Variants in LOC122539214 observed in about 807,000 individuals in gnomAD.
chr19:52,675,152 G>C, the LOC122539214 span, among the ~76,000 whole-genome samples: 1 of 152,150 alleles, frequency 6.6e-6, no homozygotes, highest in African/African-American at 2.4e-5. Context: ...TAAAGCTTGC[G>C]TTACTTGAAG....
chr19:52,671,691 C>T, the LOC122539214 span, among the ~76,000 whole-genome samples: 1 of 152,158 alleles, frequency 6.6e-6, no homozygotes, highest in African/African-American at 2.4e-5. Context: ...GATCAACCCA[C>T]CTTTGCTTCC....
the LOC122539214 span, chr19:52,651,578 G>C: frequency 6.6e-6 from 1 of 152,324 alleles, no homozygotes; most frequent in Non-Finnish European, 1.5e-5. Context: ...AGCTACTTGG[G>C]AGGCTTAGAA....
At chr19:52,683,415 A>G in the LOC122539214 span, among the ~76,000 whole-genome samples, 1 of 151,926 alleles carries the variant, frequency 6.6e-6, no homozygotes, top group Non-Finnish European at 1.5e-5. Context: ...TCTTTCCTGA[A>G]GTCACGGAGC....
chr19:52,688,401 T>C, the LOC122539214 span, among the ~76,000 whole-genome samples: 2 of 151,790 alleles, frequency 1.3e-5, no homozygotes, highest in Admixed American at 6.6e-5. Flanking sequence ...CTAGAACTCC[T>C]GGACTCAAGC....
chr19:52,669,522 G>A, the LOC122539214 span, among the ~76,000 whole-genome samples: 1 of 152,174 alleles, frequency 6.6e-6, no homozygotes, highest in Non-Finnish European at 1.5e-5. Context: ...CATGATATTA[G>A]CATAAAAAGG....
the LOC122539214 span, chr19:52,653,161 G>T: frequency 6.1e-6 from 9 of 1,485,096 alleles, no homozygotes; most frequent in Middle Eastern, 1.8e-4. Context: ...TTTTTCTCCG[G>T]TATGAAGTCT....
At chr19:52,687,561 TTA>T in the LOC122539214 span, among the ~76,000 whole-genome samples, 4 of 22,782 alleles carry the variant, frequency 1.8e-4, 1 homozygote, top group South Asian at 3.2e-3. Context: ...TGTGTAAATT[TTA>T]TATATATATA....
chr19:52,672,279 T>A, the LOC122539214 span, among the ~76,000 whole-genome samples: 2 of 152,314 alleles, frequency 1.3e-5, no homozygotes, highest in East Asian at 3.9e-4. Flanking sequence ...ATCACCTCAT[T>A]TCTGCATGTA....
chr19:52,652,856 A>G, the LOC122539214 span: 1 of 981,182 alleles, frequency 1.0e-6, no homozygotes, highest in Non-Finnish European at 1.6e-6. Flanking sequence ...ACAAAGGATG[A>G]CATATGACTG....
the LOC122539214 span, among the ~76,000 whole-genome samples, chr19:52,664,782 C>A: frequency 6.6e-6 from 1 of 150,892 alleles, no homozygotes; most frequent in Non-Finnish European, 1.5e-5. Context: ...GAGGCCTGGG[C>A]TGTGAGGGGT....
the LOC122539214 span, among the ~76,000 whole-genome samples, chr19:52,676,180 G>T: frequency 2.6e-5 from 4 of 152,166 alleles, no homozygotes; most frequent in African/African-American, 9.7e-5. Context: ...ACGGGGTTTC[G>T]CTGTGTTGGT....
chr19:52,678,170 A>C, the LOC122539214 span, among the ~76,000 whole-genome samples: 1 of 152,040 alleles, frequency 6.6e-6, no homozygotes, highest in Admixed American at 6.6e-5. Flanking sequence ...TTAGAGGATA[A>C]GGCCAGGCTC....
chr19:52,686,459 C>CATATAT, the LOC122539214 span, among the ~76,000 whole-genome samples: 96 of 143,122 alleles, frequency 6.7e-4, no homozygotes, highest in South Asian at 1.5e-3. Context: ...AAAAAAATTA[C>CATATAT]ATATATATAT....
At chr19:52,673,634 C>T in the LOC122539214 span, among the ~76,000 whole-genome samples, 14 of 152,214 alleles carry the variant, frequency 9.2e-5, no homozygotes, top group East Asian at 7.7e-4. Flanking sequence ...AATAACGATG[C>T]AAATATTATC....
the LOC122539214 span, among the ~76,000 whole-genome samples, chr19:52,671,400 G>A: frequency 6.6e-6 from 1 of 151,792 alleles, no homozygotes; most frequent in African/African-American, 2.4e-5. Flanking sequence ...CACTCTATGT[G>A]CCTTCTGAAA....
chr19:52,680,781 T>C, the LOC122539214 span, among the ~76,000 whole-genome samples: 4 of 146,370 alleles, frequency 2.7e-5, no homozygotes, highest in Non-Finnish European at 6.0e-5. Context: ...CCCGGCTAAT[T>C]TTTTGTATTT....
the LOC122539214 span, among the ~76,000 whole-genome samples, chr19:52,684,117 C>T: frequency 6.6e-6 from 1 of 152,092 alleles, no homozygotes; most frequent in African/African-American, 2.4e-5. Flanking sequence ...GCCTGTAATC[C>T]TAGCACTCTG....
chr19:52,682,800 C>T, the LOC122539214 span, among the ~76,000 whole-genome samples: 1 of 152,182 alleles, frequency 6.6e-6, no homozygotes, highest in Non-Finnish European at 1.5e-5. Flanking sequence ...CCCAGGAGTT[C>T]AAGGCTGCTG....
chr19:52,675,600 G>C, the LOC122539214 span, among the ~76,000 whole-genome samples: 1 of 152,078 alleles, frequency 6.6e-6, no homozygotes, highest in African/African-American at 2.4e-5. Flanking sequence ...GGAGGGGATG[G>C]GCTCACGGGG....
Sources: allele counts gnomAD v4.1 joint callset (sites outside exome capture counted in the v4.1 genomes callset), GRCh38; gene constraint gnomAD v4.1.1; transcripts MANE v1.5.